The following KDM4B variants were observed in gnomAD, a reference collection of about 807,000 sequenced individuals.
KDM4B encodes lysine-specific demethylase 4B.
In KDM4B, 32 loss-of-function variants were observed where a neutral mutation model predicts 125.2. That is an observed-to-expected ratio of 0.26 (90% CI 0.19 to 0.34). KDM4B has a LOEUF of 0.34. Ranked by LOEUF, KDM4B falls within the 10% of genes least tolerant of loss-of-function variation. The pLI is 1.00. For missense variants in KDM4B, 1,190 were observed against 1,577.7 expected, an observed-to-expected ratio of 0.75 and a Z score of 4.16; for synonymous variants, 721 against 677.9, an observed-to-expected ratio of 1.06 and a Z score of -0.99.
chr19:5,151,575 G>A lies in KDM4B; in HGVS notation c.*64G>A, dbSNP rs2039949462. On this transcript the variant is annotated 3_prime_UTR_variant, in exon 23 of 23. Coordinates refer to ENST00000159111, the MANE Select transcript of KDM4B (RefSeq NM_015015.3). Reference sequence around the variant, plus strand: ...AGGCCATGGCATGCCCCGGGCGTTCGCTTGCTGTGAATTCCTGTCCTCGTG... The same window carrying A: ...AGGCCATGGCATGCCCCGGGCGTTCACTTGCTGTGAATTCCTGTCCTCGTG... 11 of 1,256,604 alleles carry A rather than the reference G, an allele frequency of 8.8e-6. No individual in the cohort carries two copies. The highest frequency in any genetic ancestry group is 1.6e-5 in the African/African-American group (1 of 64,168). The allele number at this position is 1,256,604 out of a possible 1,614,324, so 77.8% of individuals were successfully genotyped here. A position where few individuals can be genotyped will look rare whatever the true frequency, so the allele number is the denominator to read the frequency against.
intron 9 of KDM4B, among the ~76,000 whole-genome samples, chr19:5,110,286 C>T (rs1462221287): frequency 6.6e-6 from 1 of 152,168 alleles, no homozygotes; most frequent in Admixed American, 6.5e-5. Flanking sequence ...GCCTGAGCAA[C>T]ATAGCGAGAC....
intron 10 of KDM4B, among the ~76,000 whole-genome samples, 195 bp from the exon 11 acceptor site, chr19:5,119,458 A>G (rs1265611241): frequency 1.3e-5 from 2 of 151,982 alleles, no homozygotes; most frequent in Non-Finnish European, 2.9e-5. Flanking sequence ...TCTCCTCCCA[A>G]CACGGCTCCT....
intron 18 of KDM4B, among the ~76,000 whole-genome samples, chr19:5,139,544 C>T (rs905151345): frequency 5.3e-5 from 8 of 152,232 alleles, no homozygotes; most frequent in South Asian, 2.1e-4. Flanking sequence ...CCGCACCCCC[C>T]GGGTGCAGGG....
chr19:5,083,381 CG>C (rs1447952655), intron 9 of KDM4B, among the ~76,000 whole-genome samples: 1 of 152,170 alleles, frequency 6.6e-6, no homozygotes, highest in Non-Finnish European at 1.5e-5. Flanking sequence ...GGGACGTGGA[CG>C]GGGCTTATGA....
intron 11 of KDM4B, among the ~76,000 whole-genome samples, chr19:5,128,275 C>G (rs2039483889): frequency 6.6e-6 from 1 of 152,208 alleles, no homozygotes; most frequent in Admixed American, 6.5e-5. Flanking sequence ...CATGTGTGCA[C>G]TGAGTGGCCC....
rs919599663 is a variant in KDM4B at position 5,110,834 on chromosome 19, A to T, written c.1115+16A>T. The T allele has an allele frequency of 6.5e-7, 1 of 1,542,944 alleles. No individual in the cohort carries two copies. The highest frequency in any genetic ancestry group is 1.4e-5 in the African/African-American group (1 of 73,544). On this transcript the variant is annotated intron_variant, in intron 10 of 22. Coordinates refer to ENST00000159111, the MANE Select transcript of KDM4B (RefSeq NM_015015.3). ...TCCTCCGCAGGTGAGTTGCCAAGGG[A>T]CTGCCGCGTGACTGCCCAGCATCAC...
chr19:5,093,856 G>A (rs1043746633), intron 9 of KDM4B, among the ~76,000 whole-genome samples: 7 of 152,238 alleles, frequency 4.6e-5, no homozygotes, highest in Non-Finnish European at 8.8e-5. Flanking sequence ...GTGGAAGGAG[G>A]AATTTCTGCT....
At position 5,019,166 on chromosome 19, in the gene KDM4B, AGGTGCT is replaced by A. The variant is rs1354685598; in HGVS notation, c.-26+2832_-26+2837del. Reference sequence around the variant, plus strand: ...GGTGTTGGTGTGGGTGTTGGTGTGCAGGTGCTGGTGTGGGTGTTGGTGTGGGTGTTG... The same window carrying A: ...GGTGTTGGTGTGGGTGTTGGTGTGCAGGTGTGGGTGTTGGTGTGGGTGTTG... On this transcript the variant is annotated intron_variant, in intron 2 of 22. Coordinates refer to ENST00000159111, the MANE Select transcript of KDM4B (RefSeq NM_015015.3). Among the ~76,000 whole-genome samples the A allele has an allele frequency of 7.7e-5, 10 of 129,084 alleles. No homozygotes were observed. In the South Asian group the frequency reaches 1.6e-3, roughly 21 times the overall value. 84.7% of individuals were successfully genotyped at this position (129,084 alleles called of 152,430 possible).
chr19:5,055,061 G>A (rs1202452902), intron 6 of KDM4B, among the ~76,000 whole-genome samples: 1 of 152,278 alleles, frequency 6.6e-6, no homozygotes, highest in Admixed American at 6.5e-5. Context: ...TGGGGCACAG[G>A]TGCCAGAATC....
intron 13 of KDM4B, 33 bp downstream of exon 13, chr19:5,132,040 A>G (rs2620839): frequency 6.4e-6 from 10 of 1,569,452 alleles, no homozygotes; most frequent in Non-Finnish European, 8.6e-6. Flanking sequence ...GGCTCTCATC[A>G]GCCCTGCTCC....
At chr19:5,055,634 C>T (rs1041137906) in intron 6 of KDM4B, among the ~76,000 whole-genome samples, 29 of 151,850 alleles carry the variant, frequency 1.9e-4, no homozygotes, top group African/African-American at 5.3e-4. Flanking sequence ...GAGGGCGCCC[C>T]GCAGCAGGCG....
At chr19:5,007,413 T>A (rs2035594119) in intron 1 of KDM4B, among the ~76,000 whole-genome samples, 1 of 152,220 alleles carries the variant, frequency 6.6e-6, no homozygotes. Flanking sequence ...GTGTTTTCTG[T>A]TAGGTTGTTT....
chr19:5,000,811 C>T (rs7255647), intron 1 of KDM4B, among the ~76,000 whole-genome samples: 51,298 of 151,920 alleles, frequency 0.34, 9,123 homozygotes, highest in East Asian at 0.69. Context: ...TTTTAGTTGC[C>T]TGTTGATTGA....
chr19:5,077,395 C>T lies in KDM4B; in HGVS notation c.705C>T (p.Cys235=), dbSNP rs202178470. The stretch of plus-strand genomic sequence containing the variant: ...TCTTCCCCGGGAGCTCGCAGGGCTG[C>T]GACGCCTTCCTGCGGCATAAGATGA... ...IGFFPGSSQG[C]DAFLRHKMTL... is the part of the protein sequence containing the mutation. Residue 235 remains cysteine, a synonymous_variant, in exon 8 of 23, where the codon TGC becomes TGT. Transcript: ENST00000159111. 29 of 1,613,184 alleles carry T rather than the reference C, an allele frequency of 1.8e-5. No homozygotes were observed. The South Asian group carries it at 1.9e-4, about 10-fold the overall frequency.
At chr19:5,038,451 C>G (rs1196397433) in intron 3 of KDM4B, among the ~76,000 whole-genome samples, 1 of 152,246 alleles carries the variant, frequency 6.6e-6, no homozygotes, top group Non-Finnish European at 1.5e-5. Flanking sequence ...CGGCGCTAAC[C>G]TGGACTGTCC....
intron 1 of KDM4B, among the ~76,000 whole-genome samples, chr19:4,994,880 T>A (rs767304210): frequency 5.3e-5 from 8 of 152,346 alleles, no homozygotes; most frequent in Non-Finnish European, 1.0e-4. Flanking sequence ...TAGTAGTTGC[T>A]GTCGGTCTTA....
At chr19:5,036,183 G>A (rs1308648976) in intron 3 of KDM4B, among the ~76,000 whole-genome samples, 4 of 152,148 alleles carry the variant, frequency 2.6e-5, no homozygotes, top group Non-Finnish European at 5.9e-5. Flanking sequence ...TCTCACCCTG[G>A]TCTGCCTGCC....
intron 2 of KDM4B, among the ~76,000 whole-genome samples, chr19:5,021,566 C>G (rs576901143): frequency 6.6e-6 from 1 of 151,960 alleles, no homozygotes; most frequent in Admixed American, 6.6e-5. Flanking sequence ...CAGCAAGACC[C>G]TGTTTCAAAA....
chr19:5,088,497 TG>T (rs970103630), intron 9 of KDM4B, among the ~76,000 whole-genome samples: 1 of 152,058 alleles, frequency 6.6e-6, no homozygotes, highest in East Asian at 1.9e-4. Flanking sequence ...CAGAGGTCGA[TG>T]GGGGGGAGGT....
Sources: gnomAD v4.1 joint callset for allele counts (sites outside exome capture counted in the v4.1 genomes callset) on GRCh38, gnomAD v4.1.1 for gene constraint, MANE v1.5 for transcripts, NCBI Gene and HGNC (gene_info 2026-07-23, HGNC 2026-07-21) for gene names.